Variants in HIVEP3 observed in about 807,000 individuals in gnomAD.
HIVEP3 encodes HIVEP zinc finger 3.
HIVEP3 carries 49 observed loss-of-function variants against 152.8 expected under a neutral mutation model. The observed-to-expected ratio is 0.32, with a 90% CI of 0.26 to 0.41. HIVEP3 has a LOEUF of 0.41. Ranked by LOEUF, HIVEP3 falls within the 10% of genes least tolerant of loss-of-function variation. The probability of loss-of-function intolerance (pLI) is 1.00; values close to 1 mark genes in which losing one functional copy is unlikely to be tolerated. For synonymous variants in HIVEP3, 1,269 were observed against 1,289.0 expected (o/e 0.98, Z 0.33); for missense variants, 2,790 against 3,103.3 (o/e 0.90, Z 2.40).
At chr1:41,705,883 A>G (rs1646426236) in intron 1 of HIVEP3, among the ~76,000 whole-genome samples, 1 of 152,270 alleles carries the variant, frequency 6.6e-6, no homozygotes, top group Admixed American at 6.5e-5. Flanking sequence ...GTGCTAACAC[A>G]GGGAAAGGGC....
At chr1:41,916,221 G>A (rs1029025696) in intron 1 of HIVEP3, among the ~76,000 whole-genome samples, 5 of 152,200 alleles carry the variant, frequency 3.3e-5, no homozygotes, top group African/African-American at 4.8e-5. Flanking sequence ...TCCAAGGAGG[G>A]TGGCTGCCAC....
rs781383478 is a variant in HIVEP3, at chr1:41,533,591, G to T, written c.5208-8681C>A. ...TGCCAAGGTCACAGCTTGCTCCATT[G>T]AAAGTCCATTTGCCTCATCCTGTCC... On this transcript the variant is annotated intron_variant, in intron 5 of 8. Coordinates refer to ENST00000372583, the MANE Select transcript of HIVEP3 (RefSeq NM_024503.5). This position sits in a 1 kb window ranked among gnomAD's most constrained non-coding sequence, Gnocchi z 4.3. 6.6e-6 allele frequency among the ~76,000 whole-genome samples: 1 copy of T among 152,102 alleles called. No homozygotes were observed. The highest frequency in any genetic ancestry group is 1.5e-5 in the Non-Finnish European group (1 of 68,024).
Position 41,656,651 on chromosome 1 carries a change from C to T in HIVEP3, c.-720-27704G>A, listed in dbSNP as rs547810948. 2.1e-4 allele frequency among the ~76,000 whole-genome samples: 32 copies of T among 152,302 alleles called. No individual in the cohort carries two copies. The South Asian group carries it at 6.4e-3, about 31-fold the overall frequency. On this transcript the variant is annotated intron_variant, in intron 2 of 8. Transcript: ENST00000372583. ...AGTTAAGAGCCAGACAGAAAGGAAA[C>T]GGGGGTTGCATTTGTTCAGAGCCAG... is the stretch of plus-strand genomic sequence containing the variant.
intron 1 of HIVEP3, among the ~76,000 whole-genome samples, chr1:41,905,634 CAGTT>C: frequency 1.3e-5 from 2 of 152,298 alleles, no homozygotes; most frequent in Middle Eastern, 6.8e-3. Context: ...CAAGATCACA[CAGTT>C]AGTATATGAC....
intron 1 of HIVEP3, among the ~76,000 whole-genome samples, chr1:41,834,680 A>G (rs1643070355): frequency 6.6e-6 from 1 of 152,202 alleles, no homozygotes; most frequent in South Asian, 2.1e-4. Flanking sequence ...GGATTCAGTG[A>G]TGGACAAAAC....
intron 2 of HIVEP3, among the ~76,000 whole-genome samples, chr1:41,663,876 G>C (rs1255342512): frequency 6.6e-6 from 1 of 151,996 alleles, no homozygotes; most frequent in Non-Finnish European, 1.5e-5. Flanking sequence ...CAGCTCCCAG[G>C]GCCCAATCCC....
At chr1:41,688,469 C>G (rs1166114301) in intron 2 of HIVEP3, among the ~76,000 whole-genome samples, 1 of 152,216 alleles carries the variant, frequency 6.6e-6, no homozygotes, top group Non-Finnish European at 1.5e-5. Context: ...AGCCCTCTTT[C>G]TGGGATCCAG....
intron 3 of HIVEP3, among the ~76,000 whole-genome samples, chr1:41,594,441 T>A (rs1283307646): frequency 1.3e-5 from 2 of 152,066 alleles, no homozygotes; most frequent in Non-Finnish European, 2.9e-5. Flanking sequence ...CAGACTGGTC[T>A]TGAACTCCTG....
chr1:41,811,203 G>A (rs1308453192), intron 1 of HIVEP3, among the ~76,000 whole-genome samples: 2 of 151,530 alleles, frequency 1.3e-5, no homozygotes, highest in Non-Finnish European at 2.9e-5. Flanking sequence ...GTGTGACCCA[G>A]GAGATCTTCC....
chr1:41,547,193 T>C (rs945016728), intron 5 of HIVEP3, among the ~76,000 whole-genome samples: 2 of 152,182 alleles, frequency 1.3e-5, no homozygotes, highest in African/African-American at 4.8e-5. Flanking sequence ...GGCTTGCGGA[T>C]TTAAACTTCC....
chr1:41,915,375 T>C (rs566514510), intron 1 of HIVEP3, among the ~76,000 whole-genome samples: 1 of 152,350 alleles, frequency 6.6e-6, no homozygotes, highest in South Asian at 2.1e-4. Context: ...TTAAATTTTT[T>C]TTTAGTTTTT....
intron 5 of HIVEP3, among the ~76,000 whole-genome samples, chr1:41,562,628 T>C (rs867708607): frequency 0.19 from 22,990 of 120,622 alleles, 2,369 homozygotes; most frequent in Non-Finnish European, 0.24. Flanking sequence ...TCTCTCTCTC[T>C]CTCTCCCTCT....
intron 2 of HIVEP3, among the ~76,000 whole-genome samples, chr1:41,643,320 A>G (rs1645405806): frequency 6.6e-6 from 1 of 152,166 alleles, no homozygotes. Flanking sequence ...TGTAACATCA[A>G]TCACACTGTC....
intron 1 of HIVEP3, among the ~76,000 whole-genome samples, chr1:41,940,784 G>GGC (rs1247610825): frequency 6.6e-6 from 1 of 151,936 alleles, no homozygotes; most frequent in East Asian, 1.9e-4. Context: ...GAAGTGAGAG[G>GGC]GCACAAGTAT....
Position 41,506,524 on chromosome 1 carries a change from C to G in HIVEP3, c.*3927G>C, listed in dbSNP as rs905685925. ...GATGTAATTTACAACAAAGGTCACA[C>G]ACATCAATACTGAGCATTTTTCCTT... is the stretch of plus-strand genomic sequence containing the variant. On this transcript the variant is annotated 3_prime_UTR_variant, in exon 9 of 9. Coordinates refer to ENST00000372583, the MANE Select transcript of HIVEP3 (RefSeq NM_024503.5). 5.3e-5 allele frequency: 8 copies of G among 152,076 alleles called. No homozygotes were observed. Among genetic ancestry groups the G allele is most frequent in the Non-Finnish European group, 1.0e-4 (7 of 68,018 alleles). The allele number at this position is 152,076 out of a possible 1,614,324, so 9.4% of individuals were successfully genotyped here.
At chr1:41,990,692 A>G (rs1230387375) in intron 1 of HIVEP3, among the ~76,000 whole-genome samples, 1 of 151,662 alleles carries the variant, frequency 6.6e-6, no homozygotes, top group East Asian at 1.9e-4. Flanking sequence ...AATCAACAGA[A>G]TATATATTTT....
At chr1:41,840,191 G>A (rs1643246627) in intron 1 of HIVEP3, among the ~76,000 whole-genome samples, 2 of 152,098 alleles carry the variant, frequency 1.3e-5, no homozygotes, top group Non-Finnish European at 2.9e-5. Context: ...TCCCCCCAAC[G>A]TTCACATCCA....
At chr1:41,734,146 G>A (rs1298961412) in intron 1 of HIVEP3, among the ~76,000 whole-genome samples, 1 of 152,186 alleles carries the variant, frequency 6.6e-6, no homozygotes, top group African/African-American at 2.4e-5. Flanking sequence ...ACCAGGCCTG[G>A]GGTGGGCTCT....
intron 1 of HIVEP3, among the ~76,000 whole-genome samples, chr1:42,032,809 A>G (rs913675474): frequency 6.6e-6 from 1 of 152,090 alleles, no homozygotes; most frequent in Admixed American, 6.5e-5. Flanking sequence ...CTCATCCCAG[A>G]TTCTGGCCAC....
Sources: gnomAD v4.1 joint callset for allele counts (sites outside exome capture counted in the v4.1 genomes callset) on GRCh38, gnomAD v4.1.1 for gene constraint, Gnocchi (gnomAD v3.1) non-coding constraint, MANE v1.5 for transcripts, NCBI Gene and HGNC (gene_info 2026-07-23, HGNC 2026-07-21) for gene names.